The following PTPRJ variants were observed in gnomAD, a reference collection of about 807,000 sequenced individuals.
The protein encoded by PTPRJ is receptor-type tyrosine-protein phosphatase eta.
Under a neutral mutation model 141.3 loss-of-function variants are expected in PTPRJ, and 129 were observed. The ratio of observed to expected loss-of-function variants is 0.91; its 90% CI spans 0.79 to 1.06. PTPRJ has a LOEUF of 1.06. Ranked by LOEUF, PTPRJ falls within the 50% of genes least tolerant of loss-of-function variation. The pLI is 0.00. For synonymous variants in PTPRJ, 610 were observed against 640.5 expected (o/e 0.95, Z 0.72); for missense variants, 1,601 against 1,679.7 (o/e 0.95, Z 0.82).
intron 8 of PTPRJ, chr11:48,131,705 T>C (rs1856988300): frequency 3.9e-6 from 2 of 519,338 alleles, no homozygotes; most frequent in African/African-American, 3.9e-5. Flanking sequence ...AGAGAACGTG[T>C]GGCTTGTGAA....
Position 48,128,016 on chromosome 11 carries a change from A to T in PTPRJ, c.1330A>T (p.Thr444Ser), listed in dbSNP as rs1251194066. The change falls in exon 7 of 25, where the codon ACG becomes TCG. Residue 444 changes from threonine to serine, a missense_variant. By Grantham distance (58) the Thr-to-Ser change is moderately conservative (BLOSUM62 1). Transcript: ENST00000418331. ...VCPVLGDIEG[T>S]PGFLQVHTPP... ...TCCTGTCCTAGGTGACATCGAGGGC[A>T]CGCCGGGCTTCCTCCAAGTGCACAC... 1 of 1,613,320 alleles carries T rather than the reference A, an allele frequency of 6.2e-7. No homozygotes were observed. The highest frequency in any genetic ancestry group is 8.5e-7 in the Non-Finnish European group (1 of 1,179,430).
At chr11:48,070,694 G>A (rs776853515) in intron 1 of PTPRJ, among the ~76,000 whole-genome samples, 1 of 152,150 alleles carries the variant, frequency 6.6e-6, no homozygotes, top group Non-Finnish European at 1.5e-5. Flanking sequence ...ACGCTTATGC[G>A]AGGGGATTTC....
chr11:48,069,572 C>A (rs776658974), intron 1 of PTPRJ, among the ~76,000 whole-genome samples: 5 of 151,582 alleles, frequency 3.3e-5, no homozygotes, highest in Non-Finnish European at 7.4e-5. Context: ...GCCTCAGCCT[C>A]CCGAGTAGAT....
chr11:48,047,108 G>A (rs1854427581), intron 1 of PTPRJ, among the ~76,000 whole-genome samples: 1 of 151,474 alleles, frequency 6.6e-6, no homozygotes, highest in African/African-American at 2.4e-5. Context: ...TAGAGATGGG[G>A]TTTCACCATG....
At chr11:48,090,060 A>AT (rs896407235) in intron 1 of PTPRJ, among the ~76,000 whole-genome samples, 7 of 152,212 alleles carry the variant, frequency 4.6e-5, no homozygotes, top group African/African-American at 1.7e-4. Context: ...TGGAAAACAC[A>AT]TTTTTAAACA....
chr11:48,007,384 C>T (rs986669566), intron 1 of PTPRJ, among the ~76,000 whole-genome samples: 1 of 151,864 alleles, frequency 6.6e-6, no homozygotes, highest in Non-Finnish European at 1.5e-5. Context: ...GCTGGGATTA[C>T]AGGCATGAGC....
At chr11:48,064,585 C>T (rs1855028697) in intron 1 of PTPRJ, among the ~76,000 whole-genome samples, 1 of 151,728 alleles carries the variant, frequency 6.6e-6, no homozygotes, top group East Asian at 1.9e-4. Context: ...CACTACGAAG[C>T]CCGAGCTGCA....
intron 1 of PTPRJ, among the ~76,000 whole-genome samples, chr11:48,026,369 C>T (rs1429714245): frequency 1.3e-5 from 2 of 152,114 alleles, no homozygotes; most frequent in African/African-American, 4.8e-5. Context: ...GGATCCAGCT[C>T]TCTTTCAGCC....
chr11:48,143,807 C>CCTCCTCCCCTT (rs1206403891), intron 12 of PTPRJ, among the ~76,000 whole-genome samples: 1 of 118,618 alleles, frequency 8.4e-6, no homozygotes, highest in East Asian at 3.1e-4. Flanking sequence ...CCCCTCTCCT[C>CCTCCTCCCCTT]CTCCTCCCCT....
intron 1 of PTPRJ, among the ~76,000 whole-genome samples, chr11:48,049,070 T>G (rs1266927172): frequency 6.6e-6 from 1 of 152,156 alleles, no homozygotes; most frequent in Non-Finnish European, 1.5e-5. Flanking sequence ...GCTTTCCCAC[T>G]AGTAAGCTTC....
chr11:47,988,054 T>TC (rs1301890208), intron 1 of PTPRJ, among the ~76,000 whole-genome samples: 1 of 152,268 alleles, frequency 6.6e-6, no homozygotes, highest in African/African-American at 2.4e-5. Context: ...GATTTGCGTC[T>TC]CCAGGGCAGG....
intron 1 of PTPRJ, among the ~76,000 whole-genome samples, chr11:48,012,283 G>A (rs185471238): frequency 1.4e-3 from 217 of 152,208 alleles, no homozygotes; most frequent in Non-Finnish European, 2.4e-3. Flanking sequence ...TCATTGAATT[G>A]AGCCACAGCC....
intron 1 of PTPRJ, among the ~76,000 whole-genome samples, chr11:48,059,260 C>T (rs1350488342): frequency 1.3e-5 from 2 of 151,830 alleles, no homozygotes; most frequent in Non-Finnish European, 2.9e-5. Context: ...GTAGCTAGAA[C>T]ACAGGTGCCC....
At chr11:48,068,704 C>T (rs1054048345) in intron 1 of PTPRJ, among the ~76,000 whole-genome samples, 12 of 152,268 alleles carry the variant, frequency 7.9e-5, no homozygotes, top group Non-Finnish European at 8.8e-5. Flanking sequence ...GATAGAAGAG[C>T]GAGCTCAGGC....
chr11:48,006,249 T>C (rs1854617346), intron 1 of PTPRJ, among the ~76,000 whole-genome samples: 1 of 152,052 alleles, frequency 6.6e-6, no homozygotes, highest in South Asian at 2.1e-4. Flanking sequence ...CTCTTGTGGC[T>C]TCCTGCCTCT....
intron 15 of PTPRJ, 58 bp from the exon 16 acceptor site, chr11:48,149,389 G>A: frequency 8.5e-7 from 1 of 1,177,086 alleles, no homozygotes; most frequent in Non-Finnish European, 1.2e-6. Context: ...GATACACAAG[G>A]GAAAAGCACA....
At chr11:48,014,170 T>A (rs889812482) in intron 1 of PTPRJ, among the ~76,000 whole-genome samples, 1 of 152,166 alleles carries the variant, frequency 6.6e-6, no homozygotes, top group African/African-American at 2.4e-5. Flanking sequence ...CCTTTCCTTG[T>A]TAGGATCATT....
intron 6 of PTPRJ, among the ~76,000 whole-genome samples, chr11:48,126,900 C>G (rs1856850642): frequency 6.6e-6 from 1 of 151,878 alleles, no homozygotes; most frequent in Non-Finnish European, 1.5e-5. Context: ...GTTAAGGAAA[C>G]CATCAGAGGA....
At chr11:47,998,757 T>G (rs1053281698) in intron 1 of PTPRJ, among the ~76,000 whole-genome samples, 3 of 152,234 alleles carry the variant, frequency 2.0e-5, no homozygotes, top group Admixed American at 6.5e-5. Context: ...AAAGGATGCC[T>G]GCTTTGATGA....
Sources: gnomAD v4.1 joint callset for allele counts (sites outside exome capture counted in the v4.1 genomes callset) on GRCh38, gnomAD v4.1.1 for gene constraint, MANE v1.5 for transcripts, NCBI Gene and HGNC (gene_info 2026-07-23, HGNC 2026-07-21) for gene names.